Variants in FXYD4 observed in about 807,000 individuals in gnomAD.
FXYD4 encodes the protein FXYD domain-containing ion transport regulator 4.
A neutral mutation model predicts 18.3 loss-of-function variants in FXYD4; 14 were observed. The ratio of observed to expected loss-of-function variants is 0.77; its 90% CI spans 0.51 to 1.20. The LOEUF (loss-of-function observed/expected upper bound fraction) is 1.20. FXYD4 is among the 50% of genes most tolerant of loss of function. FXYD4 has a pLI of 0.00. For synonymous variants in FXYD4, 40 were observed against 40.5 expected, an observed-to-expected ratio of 0.99 and a Z score of 0.04; for missense variants, 99 against 106.1, an observed-to-expected ratio of 0.93 and a Z score of 0.29.
intron 5 of FXYD4, among the ~76,000 whole-genome samples, chr10:43,374,882 C>T (rs771981196): frequency 2.2e-4 from 33 of 151,856 alleles, no homozygotes; most frequent in Non-Finnish European, 3.8e-4. Context: ...TACCCTCTTG[C>T]CTTCACTCAC....
Position 43,373,550 on chromosome 10 carries a change from G to GT in FXYD4, c.-195dup, listed in dbSNP as rs1193352871. ...TCTCTAGATGGGAAGACAGAAAGTA[G>GT]TTACTTTCCCAAGATCTCCCCACAA... On this transcript the variant is annotated 5_prime_UTR_variant, in exon 3 of 9. The change abolishes the stop of an existing upstream ORF in the 5' untranslated region. Coordinates refer to ENST00000476166, the MANE Select transcript of FXYD4 (RefSeq NM_173160.3). The GT allele has an allele frequency of 5.0e-6, 3 of 596,936 alleles. No individual in the cohort carries two copies. The highest frequency in any genetic ancestry group is 9.0e-6 in the Non-Finnish European group (3 of 332,038). 37.0% of individuals were successfully genotyped at this position (596,936 alleles called of 1,614,324 possible). A position where few individuals can be genotyped will look rare whatever the true frequency, so the allele number is the denominator to read the frequency against.
chr10:43,375,408 C>T, intron 5 of FXYD4, 91 bp from the exon 6 acceptor site: 8 of 929,354 alleles, frequency 8.6e-6, no homozygotes, highest in South Asian at 2.7e-5. Flanking sequence ...TATATGGCAG[C>T]GGCTGGCACA....
At chr10:43,375,021 C>CTTCTT (rs1837851929) in intron 5 of FXYD4, among the ~76,000 whole-genome samples, 1 of 93,564 alleles carries the variant, frequency 1.1e-5, no homozygotes, top group African/African-American at 5.2e-5. Context: ...ATGTCCACTT[C>CTTCTT]TTTTTTTTTT....
In FXYD4 at chr10:43,374,647, C is replaced by A; in HGVS notation, c.97+8C>A. 6.2e-7 allele frequency: 1 copy of A among 1,609,752 alleles called. No homozygotes were observed. Among genetic ancestry groups the A allele is most frequent in the South Asian group, 1.1e-5 (1 of 90,974 alleles). On this transcript the variant is annotated splice_region_variant and intron_variant, in intron 5 of 8. Transcript: ENST00000476166. ...ACGATCCCTTCTACTATGGTAAGAG[C>A]TGATATTCCCACCCCCACCCTACCC...
chr10:43,371,912 G>GA (rs1275741942), intron 1 of FXYD4, among the ~76,000 whole-genome samples: 2 of 151,702 alleles, frequency 1.3e-5, no homozygotes, highest in African/African-American at 4.8e-5. Context: ...GAGCTGGTGG[G>GA]GTATACCTCT....
At chr10:43,374,019 T>C (rs1423970419) in intron 3 of FXYD4, among the ~76,000 whole-genome samples, 1 of 152,220 alleles carries the variant, frequency 6.6e-6, no homozygotes, top group East Asian at 1.9e-4. Context: ...ACCTGTGGCT[T>C]GAAGACAAAA....
intron 3 of FXYD4, 124 bp from the exon 4 acceptor site, chr10:43,374,346 G>T: frequency 2.3e-6 from 2 of 885,862 alleles, no homozygotes. Flanking sequence ...TGGGGAGGGC[G>T]TGAGGAAGGG....
chr10:43,376,122 A>C (rs1297317809), intron 8 of FXYD4, 25 bp from the exon 9 acceptor site: 2 of 1,613,688 alleles, frequency 1.2e-6, no homozygotes, highest in South Asian at 2.2e-5. Context: ...ACTGTGTCTG[A>C]TGGCCTGCCC....
chr10:43,373,450 T>TA, intron 2 of FXYD4, 65 bp from the exon 3 acceptor site: 1 of 467,758 alleles, frequency 2.1e-6, no homozygotes. Context: ...CTACAGCACT[T>TA]ACTCTGTGCA....
At chr10:43,374,211 G>A (rs946340074) in intron 3 of FXYD4, among the ~76,000 whole-genome samples, 1 of 152,114 alleles carries the variant, frequency 6.6e-6, no homozygotes, top group Non-Finnish European at 1.5e-5. Flanking sequence ...AAAAAGACAA[G>A]CATTCCCTGT....
chr10:43,374,236 G>C (rs530523927), intron 3 of FXYD4, among the ~76,000 whole-genome samples: 1 of 152,218 alleles, frequency 6.6e-6, no homozygotes, highest in Non-Finnish European at 1.5e-5. Flanking sequence ...TCAGGGGGCA[G>C]AGACATAACA....
At chr10:43,375,815 C>G in intron 7 of FXYD4, 81 bp downstream of exon 7, 2 of 1,421,564 alleles carry the variant, frequency 1.4e-6, no homozygotes, top group Non-Finnish European at 2.0e-6. Flanking sequence ...TGGACAGCAT[C>G]CTGGCCACTC....
chr10:43,373,060 C>T (rs1180794932), intron 2 of FXYD4, among the ~76,000 whole-genome samples: 3 of 152,040 alleles, frequency 2.0e-5, no homozygotes, highest in Non-Finnish European at 2.9e-5. Flanking sequence ...GGAGTAGGGT[C>T]CCCTGCCAGG....
chr10:43,376,206 C>G lies in FXYD4; in HGVS notation c.*40C>G, dbSNP rs1425870171. ...TCCAGGGATGGCCTGAAGCCTAACACTGGCCCCCAGCACCTCCTCCCCTGG... is the reference window on the plus strand; with the variant it reads ...TCCAGGGATGGCCTGAAGCCTAACAGTGGCCCCCAGCACCTCCTCCCCTGG... On this transcript the variant is annotated 3_prime_UTR_variant, in exon 9 of 9. Coordinates refer to ENST00000476166, the MANE Select transcript of FXYD4 (RefSeq NM_173160.3). The G allele has an allele frequency of 6.2e-7, 1 of 1,610,524 alleles. No homozygotes were observed. Among genetic ancestry groups the G allele is most frequent in the Non-Finnish European group, 8.5e-7 (1 of 1,178,180 alleles).
In FXYD4 at chr10:43,373,181, G is replaced by A. The variant is rs533626332; in HGVS notation, c.-232-334G>A. 2.6e-3 allele frequency among the ~76,000 whole-genome samples: 397 copies of A among 152,122 alleles called. 4 individuals carry two copies. Among genetic ancestry groups the A allele is most frequent in the South Asian group, 0.022 (107 of 4,808 alleles). On this transcript the variant is annotated intron_variant, in intron 2 of 8. Coordinates refer to ENST00000476166, the MANE Select transcript of FXYD4 (RefSeq NM_173160.3). The stretch of plus-strand genomic sequence containing the variant: ...AGGCTCTCTGGGAATTCAGACTGAG[G>A]GTGCTGGACTCTGGCCACCCCAGGC...
chr10:43,373,342 A>AT (rs199917026), intron 2 of FXYD4, 173 bp from the exon 3 acceptor site: 1,167 of 175,576 alleles, frequency 6.6e-3, no homozygotes, highest in South Asian at 9.9e-3. Context: ...TCTAAGCTCC[A>AT]TTTTTTTTTT....
chr10:43,374,432 A>G, intron 3 of FXYD4, 38 bp from the exon 4 acceptor site: 2 of 1,610,260 alleles, frequency 1.2e-6, no homozygotes, highest in Non-Finnish European at 1.7e-6. Flanking sequence ...CACCAGTGTC[A>G]TGAATTCCCA....
chr10:43,375,384 G>A, intron 5 of FXYD4, 115 bp from the exon 6 acceptor site: 1 of 763,580 alleles, frequency 1.3e-6, no homozygotes. Flanking sequence ...CTCTGTTGCT[G>A]GCTTGTCTTT....
chr10:43,375,588 A>AGGTGGGGCTGGAGGACAG lies in FXYD4; in HGVS notation c.172+27_172+44dup, dbSNP rs774079023. On this transcript the variant is annotated intron_variant, in intron 6 of 8. Transcript: ENST00000476166. ...GGCAGTTCTGAGTGAGTGGCAGGAC[A>AGGTGGGGCTGGAGGACAG]GGTGGGGCTGGAGGACAGGGTGGGG... is the stretch of plus-strand genomic sequence containing the variant. The AGGTGGGGCTGGAGGACAG allele has an allele frequency of 4.3e-6, 7 of 1,611,254 alleles. No homozygotes were observed. Among genetic ancestry groups the AGGTGGGGCTGGAGGACAG allele is most frequent in the African/African-American group, 2.7e-5 (2 of 74,856 alleles).
Sources: gnomAD v4.1 joint callset for allele counts (sites outside exome capture counted in the v4.1 genomes callset) on GRCh38, gnomAD v4.1.1 for gene constraint, MANE v1.5 for transcripts, NCBI Gene and HGNC (gene_info 2026-07-23, HGNC 2026-07-21) for gene names.